The following COBLL1 variants were observed in gnomAD, a reference collection of about 807,000 sequenced individuals.
COBLL1 encodes cordon-bleu WH2 repeat protein like 1.
A neutral mutation model predicts 94.8 loss-of-function variants in COBLL1; 50 were observed. That is an observed-to-expected ratio of 0.53 (90% CI 0.42 to 0.67). The LOEUF (loss-of-function observed/expected upper bound fraction) is 0.67, where lower values mean the gene tolerates loss of function less well. COBLL1 is among the 30% of genes least tolerant of loss of function. The pLI is 0.00. For synonymous variants in COBLL1, 448 were observed against 473.8 expected, an observed-to-expected ratio of 0.95 and a Z score of 0.71; for missense variants, 1,362 against 1,348.7, an observed-to-expected ratio of 1.01 and a Z score of -0.15.
intron 2 of COBLL1, among the ~76,000 whole-genome samples, chr2:164,766,190 A>G (rs1230712835): frequency 1.3e-5 from 2 of 152,178 alleles, no homozygotes; most frequent in Non-Finnish European, 2.9e-5. Context: ...CCCATTCACC[A>G]ATTAATGTAT....
chr2:164,826,624 C>T (rs1685439163), intron 2 of COBLL1, among the ~76,000 whole-genome samples: 1 of 152,188 alleles, frequency 6.6e-6, no homozygotes, highest in South Asian at 2.1e-4. Flanking sequence ...AGTGGCAGAG[C>T]ACAGATGGAG....
At chr2:164,819,361 T>C (rs1025996300) in intron 2 of COBLL1, among the ~76,000 whole-genome samples, 5 of 152,146 alleles carry the variant, frequency 3.3e-5, no homozygotes, top group African/African-American at 1.2e-4. Flanking sequence ...AGATAAAGCA[T>C]AGGAAGTGAA....
intron 2 of COBLL1, among the ~76,000 whole-genome samples, chr2:164,823,959 G>A (rs781388611): frequency 2.0e-5 from 3 of 151,950 alleles, no homozygotes; most frequent in Admixed American, 6.6e-5. Flanking sequence ...ATACACACAC[G>A]GTTTGCTATG....
chr2:164,708,097 G>T (rs1156867632), intron 7 of COBLL1, among the ~76,000 whole-genome samples: 2 of 152,074 alleles, frequency 1.3e-5, no homozygotes, highest in East Asian at 3.9e-4. Context: ...CCCACTAACT[G>T]TGCCTCATAA....
intron 3 of COBLL1, among the ~76,000 whole-genome samples, chr2:164,731,118 T>A (rs965305714): frequency 3.0e-4 from 45 of 152,156 alleles, no homozygotes; most frequent in African/African-American, 1.1e-3. Flanking sequence ...TTATATAACG[T>A]CTCAGGCTGC....
chr2:164,765,335 G>A (rs1371700559), intron 2 of COBLL1, among the ~76,000 whole-genome samples: 1 of 152,118 alleles, frequency 6.6e-6, no homozygotes, highest in Non-Finnish European at 1.5e-5. Flanking sequence ...GCAAGATCCT[G>A]AATTTGCAAC....
intron 3 of COBLL1, among the ~76,000 whole-genome samples, chr2:164,742,060 T>C (rs1262960911): frequency 6.6e-6 from 1 of 152,076 alleles, no homozygotes; most frequent in Non-Finnish European, 1.5e-5. Flanking sequence ...GATCTCGGTT[T>C]CCAGAGTTGA....
intron 2 of COBLL1, among the ~76,000 whole-genome samples, chr2:164,767,276 G>C (rs1687980078): frequency 6.6e-6 from 1 of 152,068 alleles, no homozygotes; most frequent in Admixed American, 6.6e-5. Context: ...AAAATCACTA[G>C]AGTTTTAAAA....
upstream of COBLL1, chr2:164,841,926 G>A: frequency 4.7e-6 from 7 of 1,502,706 alleles, no homozygotes; most frequent in Non-Finnish European, 5.4e-6. The surrounding 1 kb of genome is among the most constrained non-coding windows in gnomAD (Gnocchi z 5.5). Context: ...TGGGCGCTGG[G>A]GGCCTCGCTG....
At chr2:164,772,887 T>C (rs1688272310) in intron 2 of COBLL1, among the ~76,000 whole-genome samples, 1 of 152,096 alleles carries the variant, frequency 6.6e-6, no homozygotes, top group African/African-American at 2.4e-5. Context: ...CAAGTTGCAT[T>C]ATTCAGTTAG....
chr2:164,712,781 G>A (rs989119581), intron 7 of COBLL1, among the ~76,000 whole-genome samples: 35 of 151,918 alleles, frequency 2.3e-4, no homozygotes, highest in Admixed American at 1.5e-3. Context: ...CAGTTTTATG[G>A]TTGATGTGAT....
intron 2 of COBLL1, among the ~76,000 whole-genome samples, chr2:164,790,312 G>A (rs1390203854): frequency 1.3e-5 from 2 of 152,128 alleles, no homozygotes; most frequent in Admixed American, 6.5e-5. Context: ...ATGGCTTCCT[G>A]CCTTGCACCC....
At chr2:164,779,221 A>C (rs926952315) in intron 2 of COBLL1, among the ~76,000 whole-genome samples, 1 of 152,136 alleles carries the variant, frequency 6.6e-6, no homozygotes, top group African/African-American at 2.4e-5. Flanking sequence ...TTCTAGGTGG[A>C]AAAGTGATCC....
At chr2:164,774,696 C>T (rs1361364214) in intron 2 of COBLL1, among the ~76,000 whole-genome samples, 2 of 152,106 alleles carry the variant, frequency 1.3e-5, no homozygotes, top group Non-Finnish European at 2.9e-5. Context: ...GCTCTACGTA[C>T]TTTGTACCTA....
intron 2 of COBLL1, among the ~76,000 whole-genome samples, chr2:164,819,296 T>G (rs1017463872): frequency 3.9e-5 from 6 of 152,134 alleles, no homozygotes; most frequent in African/African-American, 1.4e-4. Flanking sequence ...AACTTTTACA[T>G]ATTAAGAGCT....
At chr2:164,758,050 TA>T (rs1687496348) in intron 2 of COBLL1, among the ~76,000 whole-genome samples, 1 of 151,974 alleles carries the variant, frequency 6.6e-6, no homozygotes. Context: ...GATATAAAAT[TA>T]ATGTAAACAA....
At position 164,801,267 on chromosome 2, in the gene COBLL1, G is replaced by A. The variant is rs902274770; in HGVS notation, c.41+39889C>T. Among the ~76,000 whole-genome samples, 8 of 150,962 alleles carry A rather than the reference G, an allele frequency of 5.3e-5. No homozygotes were observed. The South Asian group carries it at 1.5e-3, about 28-fold the overall frequency. Reference sequence around the variant, plus strand: ...ATCCTGGCTAACAAGGTGAAACCCCGTCTCTACTAAAAATACAAAAAATTA... The same window carrying A: ...ATCCTGGCTAACAAGGTGAAACCCCATCTCTACTAAAAATACAAAAAATTA... On this transcript the variant is annotated intron_variant, in intron 2 of 13. Transcript: ENST00000652658.
At position 164,766,679 on chromosome 2, in the gene COBLL1, G is replaced by A. The variant is rs1000762910; in HGVS notation, c.42-22804C>T. 4.6e-5 allele frequency among the ~76,000 whole-genome samples: 7 copies of A among 152,042 alleles called. No homozygotes were observed. In the East Asian group the frequency reaches 5.8e-4, roughly 13 times the overall value. ...TATTTCTTTATAGCAGTGCGAGAAC[G>A]AACTAATACAGTATGTCATTCTTAA... is the stretch of plus-strand genomic sequence containing the variant. On this transcript the variant is annotated intron_variant, in intron 2 of 13. Coordinates refer to ENST00000652658, the MANE Select transcript of COBLL1 (RefSeq NM_001365672.2).
intron 7 of COBLL1, among the ~76,000 whole-genome samples, chr2:164,705,621 A>C (rs549935294): frequency 7.8e-4 from 119 of 152,322 alleles, no homozygotes; most frequent in African/African-American, 2.8e-3. Flanking sequence ...GCAGACCCTA[A>C]GACATCCTCC....
Sources: allele counts gnomAD v4.1 joint callset (sites outside exome capture counted in the v4.1 genomes callset), GRCh38; gene constraint gnomAD v4.1.1; non-coding constraint Gnocchi (gnomAD v3.1); transcripts MANE v1.5; gene names NCBI Gene and HGNC (gene_info 2026-07-23, HGNC 2026-07-21).